ACSL4: variants seen among roughly 807,000 people sequenced by gnomAD.
ACSL4 encodes acyl-CoA synthetase long chain family member 4, also known as long-chain-fatty-acid--CoA ligase 4.
A neutral mutation model predicts 49.1 loss-of-function variants in ACSL4; 9 were observed. The ratio of observed to expected loss-of-function variants is 0.18; its 90% confidence interval spans 0.11 to 0.32. ACSL4 has a LOEUF of 0.32. ACSL4 is among the 10% of genes least tolerant of loss of function. The pLI is 1.00. For synonymous variants in ACSL4, 191 were observed against 170.3 expected (o/e 1.12, Z -0.95); for missense variants, 333 against 493.7 (o/e 0.67, Z 3.08).
At chrX:109,697,710 T>TG (rs11322335) in intron 1 of ACSL4, among the ~76,000 whole-genome samples, 868 of 65,421 alleles carry the variant, frequency 0.013, 14 homozygotes, top group East Asian at 0.061. Flanking sequence ...GCTATTGACA[T>TG]GGGGGGGGGG....
At chrX:109,666,999 C>T (rs1173677041) in intron 11 of ACSL4, among the ~76,000 whole-genome samples, 1 of 111,589 alleles carries the variant, frequency 9.0e-6, no homozygotes, top group Admixed American at 9.5e-5. Flanking sequence ...AAGGAGAAAC[C>T]TAATGAAGGA....
intron 1 of ACSL4, among the ~76,000 whole-genome samples, chrX:109,723,957 A>G (rs1419982220): frequency 8.9e-6 from 1 of 111,889 alleles, no homozygotes; most frequent in African/African-American, 3.2e-5. Flanking sequence ...TTTCTTTTTT[A>G]TTCACCAGTA....
chrX:109,648,702 G>C (rs1446723230), intron 15 of ACSL4, among the ~76,000 whole-genome samples: 2 of 108,293 alleles, frequency 1.8e-5, no homozygotes, highest in African/African-American at 6.7e-5. Flanking sequence ...AGGAAATAAA[G>C]GGTATTCAAT....
At chrX:109,712,615 G>A (rs1350860622) in intron 1 of ACSL4, among the ~76,000 whole-genome samples, 1 of 112,297 alleles carries the variant, frequency 8.9e-6, no homozygotes, top group Non-Finnish European at 1.9e-5. Flanking sequence ...AAGCTCGTAA[G>A]TGCCAGTGGC....
chrX:109,648,475 CG>C (rs1934845862), intron 15 of ACSL4, among the ~76,000 whole-genome samples: 1 of 110,978 alleles, frequency 9.0e-6, no homozygotes, highest in Non-Finnish European at 1.9e-5. Flanking sequence ...AATTCAACAA[CG>C]CTTCATGCTA....
At chrX:109,669,654 A>G (rs182323761) in intron 9 of ACSL4, among the ~76,000 whole-genome samples, 1 of 112,272 alleles carries the variant, frequency 8.9e-6, no homozygotes, top group African/African-American at 3.2e-5. Flanking sequence ...GGCCTCCCAA[A>G]GTGTTGGGAT....
At chrX:109,646,253 G>C (rs1457422849) in intron 15 of ACSL4, among the ~76,000 whole-genome samples, 1 of 111,552 alleles carries the variant, frequency 9.0e-6, no homozygotes, top group Non-Finnish European at 1.9e-5. Flanking sequence ...AGGAAAAAAT[G>C]TTAAGGGCAG....
chrX:109,680,607 G>A (rs914847273), intron 6 of ACSL4, among the ~76,000 whole-genome samples: 3 of 112,346 alleles, frequency 2.7e-5, no homozygotes, highest in African/African-American at 9.7e-5. Context: ...TGCATCCTCT[G>A]AAACATCCTT....
chrX:109,653,122 T>C (rs960616135), intron 15 of ACSL4, among the ~76,000 whole-genome samples: 2 of 111,560 alleles, frequency 1.8e-5, no homozygotes, highest in African/African-American at 6.5e-5. Flanking sequence ...TCAGTTTTCC[T>C]GGGGAGAGGC....
At chrX:109,673,500 T>C (rs1923439175) in intron 9 of ACSL4, among the ~76,000 whole-genome samples, 2 of 112,367 alleles carry the variant, frequency 1.8e-5, no homozygotes, top group Non-Finnish European at 3.8e-5. Context: ...CTTCTTTCTG[T>C]TTGAAAACTT....
chrX:109,718,794 T>C (rs940242735), intron 1 of ACSL4, among the ~76,000 whole-genome samples: 6 of 110,489 alleles, frequency 5.4e-5, no homozygotes, highest in African/African-American at 2.0e-4. Context: ...TCCCATAGTC[T>C]ACAATTTGTT....
In ACSL4 at chrX:109,659,220, TA is replaced by T. The variant is rs1217765278; in HGVS notation, c.1855+133del. The T allele has an allele frequency of 3.1e-5, 18 of 583,922 alleles. No individual in the cohort carries two copies. The East Asian group carries it at 3.8e-4, about 12-fold the overall frequency. The allele number at this position is 583,922 out of a possible 1,213,427, so 48.1% of individuals were successfully genotyped here. ...GGATCCTTCCAACATGGAAATCCAT[TA>T]TACATATTTAAGAAATAGGTTTCTT... On this transcript the variant is annotated intron_variant, in intron 15 of 15. Coordinates refer to ENST00000672401, the MANE Select transcript of ACSL4 (RefSeq NM_001318510.2).
intron 9 of ACSL4, among the ~76,000 whole-genome samples, chrX:109,671,995 T>C (rs1923294849): frequency 9.6e-6 from 1 of 104,441 alleles, no homozygotes; most frequent in Non-Finnish European, 1.9e-5. Context: ...CACATGTTTA[T>C]CTGCTGACCT....
intron 9 of ACSL4, 82 bp from the exon 10 acceptor site, chrX:109,669,255 G>T: frequency 1.3e-6 from 1 of 766,601 alleles, no homozygotes; most frequent in Non-Finnish European, 1.9e-6. Context: ...GCAACATCTT[G>T]GGTAAAAGTC....
chrX:109,683,225 A>T lies in ACSL4; in HGVS notation c.139T>A (p.Ser47Thr). The T allele has an allele frequency of 8.3e-7, 1 of 1,211,874 alleles. No homozygotes were observed. Among genetic ancestry groups the T allele is most frequent in the Non-Finnish European group, 1.1e-6 (1 of 895,495 alleles). ...AGGCTGTCCTTCTTCCCAAACTTGG[A>T]TACAGCATGGTCAAATAATTTATCC... is the stretch of plus-strand genomic sequence containing the variant. ...TLDKLFDHAV[S>T]KFGKKDSLGT... Residue 47 changes from serine (S) to threonine (T), a missense_variant, in exon 3 of 16, where the codon TCC (serine) becomes ACC (threonine). Physicochemically the swap from Ser to Thr is moderately conservative, Grantham distance 58. Coordinates refer to ENST00000672401, the MANE Select transcript of ACSL4 (RefSeq NM_001318510.2).
intron 6 of ACSL4, among the ~76,000 whole-genome samples, chrX:109,678,743 C>G (rs1460207928): frequency 8.9e-6 from 1 of 112,256 alleles, no homozygotes; most frequent in Non-Finnish European, 1.9e-5. Flanking sequence ...GGCAGGAGGA[C>G]TGGGTGAGCC....
intron 1 of ACSL4, among the ~76,000 whole-genome samples, chrX:109,716,576 A>G (rs1247808945): frequency 8.9e-6 from 1 of 112,513 alleles, no homozygotes; most frequent in Non-Finnish European, 1.9e-5. Flanking sequence ...CTGTCTGGTT[A>G]TAATACTCCA....
chrX:109,647,361 T>A (rs1398731151), intron 15 of ACSL4, among the ~76,000 whole-genome samples: 2 of 111,804 alleles, frequency 1.8e-5, no homozygotes. Context: ...AACTCAGGAT[T>A]AAGAATCTCA....
rs1343650023 is a variant in ACSL4 at position 109,668,094 on chromosome X, T to C, written c.1315+7A>G. ...TACAGAATATTTACCACATTAATAA[T>C]GCTTACCTTCAGTAACTGTCCCAGC... On this transcript the variant is annotated splice_region_variant and intron_variant, in intron 11 of 15. Transcript: ENST00000672401. The C allele has an allele frequency of 8.4e-7, 1 of 1,184,364 alleles. No individual in the cohort carries two copies. The highest frequency in any genetic ancestry group is 1.1e-6 in the Non-Finnish European group (1 of 873,138).
Sources: allele counts gnomAD v4.1 joint callset (sites outside exome capture counted in the v4.1 genomes callset), GRCh38; gene constraint gnomAD v4.1.1; transcripts MANE v1.5; gene names NCBI Gene and HGNC (gene_info 2026-07-23, HGNC 2026-07-21).